Variants in PTPRG observed in about 807,000 individuals in gnomAD.
PTPRG encodes receptor-type tyrosine-protein phosphatase gamma.
PTPRG carries 102 observed loss-of-function variants against 165.3 expected under a neutral mutation model. The ratio of observed to expected loss-of-function variants is 0.62; its 90% CI spans 0.53 to 0.73. The LOEUF (loss-of-function observed/expected upper bound fraction) is 0.73, where lower values mean the gene tolerates loss of function less well. Among genes scored for constraint, PTPRG ranks in the 30% least tolerant of loss-of-function variants. The pLI is 0.00. For synonymous variants in PTPRG, 675 were observed against 669.5 expected (o/e 1.01, Z -0.13); for missense variants, 1,866 against 1,861.4 (o/e 1.00, Z -0.05).
At chr3:62,070,586 G>T (rs1165493117) in intron 4 of PTPRG, among the ~76,000 whole-genome samples, 3 of 152,236 alleles carry the variant, frequency 2.0e-5, no homozygotes, top group Admixed American at 2.0e-4. Context: ...GGCAATGGCA[G>T]AATTAGAGTT....
intron 4 of PTPRG, among the ~76,000 whole-genome samples, chr3:62,040,449 C>T (rs1266712542): frequency 1.3e-5 from 2 of 152,158 alleles, no homozygotes; most frequent in Non-Finnish European, 2.9e-5. Context: ...TTCGAAGTTG[C>T]ACGTGAGTCC....
At chr3:61,727,695 T>C (rs1045392470) in intron 1 of PTPRG, among the ~76,000 whole-genome samples, 3 of 152,162 alleles carry the variant, frequency 2.0e-5, no homozygotes, top group African/African-American at 7.2e-5. Flanking sequence ...TGGATATAAA[T>C]CTACAGGTTA....
At chr3:62,160,623 C>T (rs1383139478) in intron 7 of PTPRG, among the ~76,000 whole-genome samples, 1 of 152,250 alleles carries the variant, frequency 6.6e-6, no homozygotes, top group East Asian at 1.9e-4. Flanking sequence ...GATTAGCTTT[C>T]AGTCCAGTTA....
At position 62,240,978 on chromosome 3, in the gene PTPRG, G is replaced by C. The variant is rs189445489; in HGVS notation, c.2376-2829G>C. Among the ~76,000 whole-genome samples, 1 of 152,116 alleles carries C rather than the reference G, an allele frequency of 6.6e-6. No individual in the cohort carries two copies. Among genetic ancestry groups the C allele is most frequent in the Non-Finnish European group, 1.5e-5 (1 of 68,040 alleles). On this transcript the variant is annotated intron_variant, in intron 14 of 29. Transcript: ENST00000474889. This position sits in a 1 kb window ranked among gnomAD's most constrained non-coding sequence, Gnocchi z 5.1. ...TGCCTTGTGTGTCTTGTTTATCATT[G>C]TGCTCCCAGCTCCTCACTGCAGATA...
At chr3:61,956,272 G>C (rs190435595) in intron 2 of PTPRG, among the ~76,000 whole-genome samples, 1 of 110,934 alleles carries the variant, frequency 9.0e-6, no homozygotes. Context: ...TCGCGTGCAC[G>C]CTGTCTCTCT....
rs1291674647 is a variant in PTPRG at position 62,168,182 on chromosome 3, C to T, written c.1033+19C>T. On this transcript the variant is annotated intron_variant, in intron 8 of 29. Coordinates refer to ENST00000474889, the MANE Select transcript of PTPRG (RefSeq NM_002841.4). The stretch of plus-strand genomic sequence containing the variant: ...TCTAAAGGTATATTTGGCTTAAGTG[C>T]CTTGCCCAGAGGAAGATTCCTTATC... The T allele has an allele frequency of 6.3e-7, 1 of 1,582,196 alleles. No homozygotes were observed. The highest frequency in any genetic ancestry group is 1.4e-5 in the African/African-American group (1 of 73,452).
intron 4 of PTPRG, among the ~76,000 whole-genome samples, chr3:62,007,509 A>G (rs888678145): frequency 2.0e-5 from 3 of 152,198 alleles, no homozygotes; most frequent in African/African-American, 7.2e-5. Context: ...GGATCCTCAG[A>G]TGCCCTCACC....
intron 2 of PTPRG, among the ~76,000 whole-genome samples, chr3:61,792,179 TCTTTA>T (rs988574778): frequency 7.9e-5 from 12 of 151,800 alleles, no homozygotes; most frequent in Non-Finnish European, 1.5e-4. Context: ...TGACTTTATG[TCTTTA>T]CTTCTTTCTT....
Position 62,219,537 on chromosome 3 carries a change from G to A in PTPRG, c.2288+554G>A, listed in dbSNP as rs1232691129. ...TATCCGGATTCTCACTGCTTCTCAT[G>A]GGAAGCCAGGTTGCAGCCTCTGTTT... On this transcript the variant is annotated intron_variant, in intron 13 of 29. Coordinates refer to ENST00000474889, the MANE Select transcript of PTPRG (RefSeq NM_002841.4). The surrounding 1 kb of genome is among the most constrained non-coding windows in gnomAD (Gnocchi z 4.5). 1.3e-5 allele frequency among the ~76,000 whole-genome samples: 2 copies of A among 152,194 alleles called. No individual in the cohort carries two copies. Among genetic ancestry groups the A allele is most frequent in the African/African-American group, 4.8e-5 (2 of 41,446 alleles).
At chr3:61,653,060 G>A (rs990494177) in intron 1 of PTPRG, among the ~76,000 whole-genome samples, 2 of 151,854 alleles carry the variant, frequency 1.3e-5, no homozygotes, top group African/African-American at 4.9e-5. Flanking sequence ...GTACATATAA[G>A]ATAAGGGAAA....
chr3:61,906,102 T>A (rs1199892393), intron 2 of PTPRG, among the ~76,000 whole-genome samples: 1 of 152,090 alleles, frequency 6.6e-6, no homozygotes, highest in African/African-American at 2.4e-5. Context: ...CTTTTTTTGC[T>A]GTGGAGAAAG....
intron 1 of PTPRG, among the ~76,000 whole-genome samples, chr3:61,643,009 A>G (rs1702105796): frequency 6.6e-6 from 1 of 152,230 alleles, no homozygotes; most frequent in African/African-American, 2.4e-5. Flanking sequence ...TACAGAGGAC[A>G]CGAAAACATG....
rs144291187 is a variant in PTPRG at position 61,808,562 on chromosome 3, A to G, written c.190+59580A>G. 9.6e-4 allele frequency among the ~76,000 whole-genome samples: 147 copies of G among 152,358 alleles called. 1 individual carries two copies. The highest frequency in any genetic ancestry group is 3.3e-3 in the African/African-American group (139 of 41,582). On this transcript the variant is annotated intron_variant, in intron 2 of 29. Coordinates refer to ENST00000474889, the MANE Select transcript of PTPRG (RefSeq NM_002841.4). ...TTTGAATATAAGCCATTCAAATTCC[A>G]TAATATGATACTGGCTCTAAAGGCA...
chr3:61,834,368 A>G (rs971125504), intron 2 of PTPRG, among the ~76,000 whole-genome samples: 2 of 152,152 alleles, frequency 1.3e-5, no homozygotes, highest in Non-Finnish European at 2.9e-5. Flanking sequence ...TTACAGTTCA[A>G]AACTTTGTTT....
At chr3:61,859,964 C>T (rs2037215890) in intron 2 of PTPRG, among the ~76,000 whole-genome samples, 2 of 152,186 alleles carry the variant, frequency 1.3e-5, no homozygotes, top group African/African-American at 4.8e-5. Flanking sequence ...TAAGCAACTG[C>T]TCTTGTGACA....
At chr3:61,601,708 A>G (rs571459068) in intron 1 of PTPRG, among the ~76,000 whole-genome samples, 1 of 152,180 alleles carries the variant, frequency 6.6e-6, no homozygotes, top group African/African-American at 2.4e-5. Flanking sequence ...ATCAGCCTTT[A>G]TGGAGCTTGT....
intron 1 of PTPRG, among the ~76,000 whole-genome samples, chr3:61,680,009 A>G (rs1703374831): frequency 1.3e-5 from 2 of 152,066 alleles, no homozygotes; most frequent in Non-Finnish European, 2.9e-5. Flanking sequence ...CCCTTAAGCA[A>G]TTTACTAATT....
chr3:61,842,498 A>C (rs1426547543), intron 2 of PTPRG, among the ~76,000 whole-genome samples: 1 of 152,140 alleles, frequency 6.6e-6, no homozygotes, highest in Non-Finnish European at 1.5e-5. Flanking sequence ...CAAGAGAGGA[A>C]AGATAATAGA....
At chr3:61,970,005 C>G (rs1451933377) in intron 2 of PTPRG, among the ~76,000 whole-genome samples, 1 of 152,174 alleles carries the variant, frequency 6.6e-6, no homozygotes, top group African/African-American at 2.4e-5. Context: ...AACTGTGAGG[C>G]AGATCAATCT....
Sources: allele counts gnomAD v4.1 joint callset (sites outside exome capture counted in the v4.1 genomes callset), GRCh38; gene constraint gnomAD v4.1.1; non-coding constraint Gnocchi (gnomAD v3.1); transcripts MANE v1.5; gene names NCBI Gene and HGNC (gene_info 2026-07-23, HGNC 2026-07-21).